The following C1orf21 variants were observed in gnomAD, a reference collection of about 807,000 sequenced individuals.
The protein encoded by C1orf21 is uncharacterized protein C1orf21.
C1orf21 carries 3 observed loss-of-function variants against 18.7 expected under a neutral mutation model. That is an observed-to-expected ratio of 0.16 (90% CI 0.07 to 0.42). C1orf21 has a LOEUF of 0.42. Among genes scored for constraint, C1orf21 ranks in the 10% least tolerant of loss-of-function variants. C1orf21 has a pLI of 0.99. For missense variants in C1orf21, 104 were observed against 143.6 expected, an observed-to-expected ratio of 0.72 and a Z score of 1.41; for synonymous variants, 41 against 46.4, an observed-to-expected ratio of 0.88 and a Z score of 0.47.
rs147119300 is a variant in C1orf21 at position 184,606,519 on chromosome 1, G to A, written c.327+8058G>A. Among the ~76,000 whole-genome samples the A allele has an allele frequency of 4.3e-3, 650 of 152,318 alleles. 5 individuals carry two copies. Among genetic ancestry groups the A allele is most frequent in the Middle Eastern group, 0.01 (3 of 294 alleles). ...CACTTGAGCCCAGGAGTTTGAGGTG[G>A]CAGTGAGCTGTGATTGTGCCACTGC... On this transcript the variant is annotated intron_variant, in intron 5 of 5. Transcript: ENST00000235307.
At chr1:184,460,659 TTCTTCTTCTTCTTCTTCTTC>T (rs1275280392) in intron 1 of C1orf21, among the ~76,000 whole-genome samples, 1 of 148,332 alleles carries the variant, frequency 6.7e-6, no homozygotes, top group East Asian at 2.0e-4. Flanking sequence ...CTTCTTCTTC[TTCTTCTTCTTCTTCTTCTTC>T]TTCTTCTTTC....
At chr1:184,530,156 A>G (rs534174928) in intron 3 of C1orf21, among the ~76,000 whole-genome samples, 1 of 152,322 alleles carries the variant, frequency 6.6e-6, no homozygotes. Flanking sequence ...ATTTTAAAAC[A>G]TATCCCATAC....
At chr1:184,402,195 G>T (rs1656168245) in intron 1 of C1orf21, among the ~76,000 whole-genome samples, 1 of 152,144 alleles carries the variant, frequency 6.6e-6, no homozygotes, top group South Asian at 2.1e-4. Context: ...GCCACATATG[G>T]TTAATGGCTA....
intron 3 of C1orf21, among the ~76,000 whole-genome samples, chr1:184,570,041 C>T (rs1020789695): frequency 2.6e-5 from 4 of 152,208 alleles, no homozygotes; most frequent in Middle Eastern, 3.2e-3. Context: ...GAGGGAAAAG[C>T]TGCCACTTAG....
rs769546462 is a variant in C1orf21 at position 184,507,568 on chromosome 1, T to C, written c.95-20T>C. Reference sequence around the variant, plus strand: ...TTGGGAAAAAAATTATAAAATGTGTTTTCTTTTTTTGGCACTCAGATGAGT... The same window carrying C: ...TTGGGAAAAAAATTATAAAATGTGTCTTCTTTTTTTGGCACTCAGATGAGT... On this transcript the variant is annotated intron_variant, in intron 2 of 5. Transcript: ENST00000235307. 1.3e-6 allele frequency: 2 copies of C among 1,564,988 alleles called. No homozygotes were observed. Among genetic ancestry groups the C allele is most frequent in the East Asian group, 4.6e-5 (2 of 43,134 alleles).
intron 4 of C1orf21, among the ~76,000 whole-genome samples, chr1:184,594,351 G>C (rs1659485127): frequency 6.6e-6 from 1 of 152,148 alleles, no homozygotes. Context: ...CAGGATTTCT[G>C]GCTGGGCCTG....
intron 3 of C1orf21, among the ~76,000 whole-genome samples, chr1:184,584,839 T>A (rs1468253715): frequency 6.6e-6 from 1 of 152,220 alleles, no homozygotes; most frequent in Non-Finnish European, 1.5e-5. Context: ...TATTGTGTGA[T>A]TTCATGACAT....
chr1:184,464,447 A>C (rs1192934503), intron 1 of C1orf21, among the ~76,000 whole-genome samples: 1 of 152,244 alleles, frequency 6.6e-6, no homozygotes, highest in Admixed American at 6.5e-5. Flanking sequence ...GGGTGGTGGC[A>C]CATGCCACCT....
chr1:184,397,458 C>T (rs1011187691), intron 1 of C1orf21, among the ~76,000 whole-genome samples: 9 of 151,976 alleles, frequency 5.9e-5, no homozygotes, highest in Admixed American at 1.3e-4. Flanking sequence ...TGGTGGCGGG[C>T]GCCTGTAGTC....
At chr1:184,519,053 T>C (rs992270738) in intron 3 of C1orf21, among the ~76,000 whole-genome samples, 7 of 152,220 alleles carry the variant, frequency 4.6e-5, no homozygotes, top group African/African-American at 1.7e-4. Flanking sequence ...CACATTAATT[T>C]TTGGTTTACC....
chr1:184,450,972 G>A (rs1472191818), intron 1 of C1orf21, among the ~76,000 whole-genome samples: 1 of 152,138 alleles, frequency 6.6e-6, no homozygotes, highest in Non-Finnish European at 1.5e-5. Context: ...CTGCCTCCTG[G>A]GTTCAAGCGA....
At chr1:184,463,941 G>A (rs1270302119) in intron 1 of C1orf21, among the ~76,000 whole-genome samples, 1 of 152,190 alleles carries the variant, frequency 6.6e-6, no homozygotes, top group African/African-American at 2.4e-5. Flanking sequence ...GACCTTGAAG[G>A]TTGGGTAGAA....
chr1:184,576,732 T>C (rs1030218713), intron 3 of C1orf21, among the ~76,000 whole-genome samples: 13 of 152,366 alleles, frequency 8.5e-5, no homozygotes, highest in African/African-American at 3.1e-4. Context: ...CTACCTCCAG[T>C]TCTCATGGGT....
At chr1:184,427,260 A>G (rs773765698) in intron 1 of C1orf21, among the ~76,000 whole-genome samples, 8 of 152,188 alleles carry the variant, frequency 5.3e-5, no homozygotes, top group Non-Finnish European at 1.0e-4. Flanking sequence ...TGCTAAAGCT[A>G]CTTTTTAGCT....
intron 1 of C1orf21, among the ~76,000 whole-genome samples, chr1:184,396,785 T>G (rs1177612097): frequency 6.6e-6 from 1 of 152,198 alleles, no homozygotes. Flanking sequence ...ATATTGTAAT[T>G]GCTCATTCAT....
chr1:184,620,213 A>G lies in C1orf21; in HGVS notation c.*657A>G, dbSNP rs1659896018. 1 of 152,658 alleles carries G rather than the reference A, an allele frequency of 6.6e-6. No individual in the cohort carries two copies. The highest frequency in any genetic ancestry group is 2.1e-4 in the South Asian group (1 of 4,834). 9.5% of individuals were successfully genotyped at this position (152,658 alleles called of 1,614,324 possible). On this transcript the variant is annotated 3_prime_UTR_variant, in exon 6 of 6. Transcript: ENST00000235307. The stretch of plus-strand genomic sequence containing the variant: ...TAATAGGTATCTTAATCAAGAATTA[A>G]GCTTGCAACATTGGCTTTGCTCAGA...
chr1:184,458,957 C>G (rs1183500686), intron 1 of C1orf21, among the ~76,000 whole-genome samples: 1 of 152,156 alleles, frequency 6.6e-6, no homozygotes, highest in Non-Finnish European at 1.5e-5. Context: ...TTTTTCCACT[C>G]TTTGAGTGAA....
chr1:184,543,470 A>G (rs1012313263), intron 3 of C1orf21, among the ~76,000 whole-genome samples: 1 of 152,202 alleles, frequency 6.6e-6, no homozygotes, highest in Non-Finnish European at 1.5e-5. Flanking sequence ...TAACCATACA[A>G]AGCCTTCTGA....
chr1:184,523,070 A>G (rs1317051909), intron 3 of C1orf21, among the ~76,000 whole-genome samples: 1 of 152,248 alleles, frequency 6.6e-6, no homozygotes, highest in Non-Finnish European at 1.5e-5. Context: ...AAATACATGC[A>G]GGCGAATTGA....
Sources: gnomAD v4.1 joint callset for allele counts (sites outside exome capture counted in the v4.1 genomes callset) on GRCh38, gnomAD v4.1.1 for gene constraint, MANE v1.5 for transcripts, NCBI Gene and HGNC (gene_info 2026-07-23, HGNC 2026-07-21) for gene names.